GLDC: variants seen among roughly 807,000 people sequenced by gnomAD.
The protein encoded by GLDC is glycine decarboxylase.
A neutral mutation model predicts 121.3 loss-of-function variants in GLDC; 104 were observed. That is an observed-to-expected ratio of 0.86 (90% CI 0.73 to 1.01). GLDC has a LOEUF of 1.01. Ranked by LOEUF, GLDC falls within the 50% of genes least tolerant of loss-of-function variation. GLDC has a pLI of 0.00. For missense variants in GLDC, 1,429 were observed against 1,306.6 expected (o/e 1.09, Z -1.44); for synonymous variants, 546 against 480.6 (o/e 1.14, Z -1.78).
intron 21 of GLDC, among the ~76,000 whole-genome samples, chr9:6,543,620 G>A (rs528405974): frequency 1.4e-4 from 22 of 152,256 alleles, no homozygotes; most frequent in Middle Eastern, 3.4e-3. Context: ...TAGAAACTGC[G>A]GTGGAATTCC....
intron 8 of GLDC, among the ~76,000 whole-genome samples, chr9:6,596,193 G>A (rs1818491545): frequency 6.6e-6 from 1 of 152,148 alleles, no homozygotes; most frequent in South Asian, 2.1e-4. Flanking sequence ...CAGAAACCCA[G>A]GCCTGACATT....
chr9:6,637,960 A>G (rs966995530), intron 2 of GLDC, among the ~76,000 whole-genome samples: 1 of 151,142 alleles, frequency 6.6e-6, no homozygotes, highest in Non-Finnish European at 1.5e-5. Flanking sequence ...AAGTGCTGAG[A>G]TTACAGGTGT....
intron 3 of GLDC, among the ~76,000 whole-genome samples, chr9:6,610,971 T>C (rs779013482): frequency 3.0e-4 from 46 of 152,366 alleles, no homozygotes; most frequent in Non-Finnish European, 1.6e-4. Context: ...CTCATTCACA[T>C]TTTACAATAG....
intron 2 of GLDC, among the ~76,000 whole-genome samples, chr9:6,642,813 T>C (rs532137645): frequency 6.6e-6 from 1 of 152,268 alleles, no homozygotes; most frequent in South Asian, 2.1e-4. Flanking sequence ...TGTTCAAATA[T>C]TCACCTAAAA....
At chr9:6,611,180 A>G (rs1276155399) in intron 3 of GLDC, among the ~76,000 whole-genome samples, 1 of 152,250 alleles carries the variant, frequency 6.6e-6, no homozygotes. Flanking sequence ...AAATGTTTAG[A>G]AGGCAACGTA....
intron 2 of GLDC, among the ~76,000 whole-genome samples, chr9:6,644,029 C>CAAAAAA (rs531081758): frequency 0.015 from 263 of 17,944 alleles, 3 homozygotes; most frequent in African/African-American, 0.021. Context: ...GATTCTGTCT[C>CAAAAAA]AAAAAAAAAA....
At chr9:6,571,725 T>C (rs1817971422) in intron 15 of GLDC, among the ~76,000 whole-genome samples, 2 of 152,224 alleles carry the variant, frequency 1.3e-5, no homozygotes, top group Non-Finnish European at 2.9e-5. Flanking sequence ...AAACTTAGGA[T>C]GAATTGCTTA....
chr9:6,590,470 CCATGAGAACT>C (rs1226317493), intron 11 of GLDC, among the ~76,000 whole-genome samples: 1 of 152,154 alleles, frequency 6.6e-6, no homozygotes, highest in Non-Finnish European at 1.5e-5. Flanking sequence ...CTACTAGTTC[CCATGAGAACT>C]GATGAGAAGT....
intron 3 of GLDC, among the ~76,000 whole-genome samples, chr9:6,613,594 T>C (rs986039846): frequency 3.3e-5 from 5 of 152,260 alleles, no homozygotes; most frequent in Non-Finnish European, 5.9e-5. Context: ...AAATAACTTA[T>C]GAAATAAATT....
intron 7 of GLDC, 78 bp downstream of exon 7, chr9:6,604,510 A>C: frequency 7.7e-7 from 1 of 1,295,718 alleles, no homozygotes; most frequent in East Asian, 2.3e-5. Flanking sequence ...GAATTCAGAT[A>C]GAAATCAACA....
intron 15 of GLDC, among the ~76,000 whole-genome samples, chr9:6,570,001 G>C (rs946579999): frequency 6.6e-6 from 1 of 152,146 alleles, no homozygotes; most frequent in East Asian, 1.9e-4. Context: ...AAAAAACATC[G>C]TGGCTAACTT....
intron 21 of GLDC, among the ~76,000 whole-genome samples, chr9:6,547,005 T>C (rs933577780): frequency 9.9e-5 from 15 of 151,906 alleles, no homozygotes; most frequent in Non-Finnish European, 1.8e-4. Flanking sequence ...AAGCATTATG[T>C]AGTGAATACA....
intron 8 of GLDC, among the ~76,000 whole-genome samples, chr9:6,597,510 C>T (rs1010074775): frequency 2.6e-5 from 4 of 151,700 alleles, no homozygotes; most frequent in Admixed American, 1.3e-4. Context: ...GCAGGAGGAT[C>T]GCTTGAGGCC....
At chr9:6,540,414 TGG>T in intron 21 of GLDC, 1 of 450,130 alleles carries the variant, frequency 2.2e-6, no homozygotes, top group Non-Finnish European at 4.1e-6. Context: ...TAATGGCAGG[TGG>T]GGGGCATTAC....
intron 2 of GLDC, among the ~76,000 whole-genome samples, chr9:6,621,534 T>C (rs1255304244): frequency 1.3e-5 from 2 of 152,250 alleles, no homozygotes; most frequent in African/African-American, 2.4e-5. Context: ...TTTTGTTTTT[T>C]TGAGAGGGAG....
chr9:6,561,411 G>A (rs1348741339), intron 16 of GLDC, among the ~76,000 whole-genome samples: 1 of 152,218 alleles, frequency 6.6e-6, no homozygotes, highest in Admixed American at 6.5e-5. Context: ...CACTTTGGGA[G>A]GCTGAGGCAG....
intron 21 of GLDC, among the ~76,000 whole-genome samples, chr9:6,544,407 A>G (rs1479678966): frequency 8.6e-5 from 13 of 150,936 alleles, no homozygotes; most frequent in Non-Finnish European, 1.5e-5. Flanking sequence ...ATGGAAAAAC[A>G]AAAAAAAAGG....
At chr9:6,605,054 G>T (rs562719635) in intron 6 of GLDC, 77 bp downstream of exon 6, 5 of 1,337,206 alleles carry the variant, frequency 3.7e-6, no homozygotes, top group African/African-American at 2.9e-5. Flanking sequence ...CACATGAAAA[G>T]ACAGAGAGAG....
At position 6,585,536 on chromosome 9, in the gene GLDC, C is replaced by G. The variant is rs139820540; in HGVS notation, c.1850+1605G>C. On this transcript the variant is annotated intron_variant, in intron 15 of 24. Transcript: ENST00000321612. ...TGAGAGCACTGTATCCTTTCATTGC[C>G]ACATACCCTCTTCCCAAAGGGTTTG... Among the ~76,000 whole-genome samples the G allele has an allele frequency of 3.8e-3, 578 of 152,262 alleles. 8 individuals are homozygous for G. Among genetic ancestry groups the G allele is most frequent in the African/African-American group, 0.013 (547 of 41,542 alleles).
Sources: gnomAD v4.1 joint callset for allele counts (sites outside exome capture counted in the v4.1 genomes callset) on GRCh38, gnomAD v4.1.1 for gene constraint, MANE v1.5 for transcripts, NCBI Gene and HGNC (gene_info 2026-07-23, HGNC 2026-07-21) for gene names.